The following DNAAF11 variants were observed in gnomAD, a reference collection of about 807,000 sequenced individuals.
The protein encoded by DNAAF11 is leucine rich repeat containing 6.
Under a neutral mutation model 60.8 loss-of-function variants are expected in DNAAF11, and 45 were observed. That is an observed-to-expected ratio of 0.74 (90% CI 0.58 to 0.95). The LOEUF is 0.95. DNAAF11 is among the 40% of genes least tolerant of loss of function. The pLI is 0.00. For missense variants in DNAAF11, 546 were observed against 546.2 expected, an observed-to-expected ratio of 1.00 and a Z score of 0.00; for synonymous variants, 191 against 183.5, an observed-to-expected ratio of 1.04 and a Z score of -0.33.
chr8:132,656,319 G>A (rs1400884103), intron 3 of DNAAF11, among the ~76,000 whole-genome samples: 5 of 152,140 alleles, frequency 3.3e-5, no homozygotes, highest in Admixed American at 1.3e-4. Flanking sequence ...CCTCTGAGGA[G>A]GCTGGGTTAG....
intron 7 of DNAAF11, among the ~76,000 whole-genome samples, chr8:132,615,644 CA>C (rs1819072430): frequency 6.6e-6 from 1 of 152,094 alleles, no homozygotes; most frequent in Non-Finnish European, 1.5e-5. Flanking sequence ...AACAGAGGTT[CA>C]AAGAGGTTGG....
chr8:132,669,769 A>T (rs1387143929), intron 1 of DNAAF11, among the ~76,000 whole-genome samples: 2 of 152,150 alleles, frequency 1.3e-5, no homozygotes, highest in South Asian at 2.1e-4. Context: ...GTAATTTTTT[A>T]AATTTGGGCA....
At chr8:132,689,866 T>G in the DNAAF11 span, among the ~76,000 whole-genome samples, 8 of 151,924 alleles carry the variant, frequency 5.3e-5, no homozygotes, top group Non-Finnish European at 1.2e-4. Context: ...GCTCGCACCA[T>G]TGCATCCTGT....
chr8:132,575,621 C>T (rs191984072), intron 11 of DNAAF11, among the ~76,000 whole-genome samples: 7 of 152,168 alleles, frequency 4.6e-5, no homozygotes, highest in East Asian at 3.9e-4. Flanking sequence ...CACCAAGGCC[C>T]GGAAAGAATT....
At chr8:132,616,532 G>A (rs1819176540) in intron 7 of DNAAF11, among the ~76,000 whole-genome samples, 1 of 152,104 alleles carries the variant, frequency 6.6e-6, no homozygotes, top group African/African-American at 2.4e-5. Flanking sequence ...AGAATTAAGG[G>A]AGAATCCAAG....
Position 132,621,323 on chromosome 8 carries a change from G to A in DNAAF11, c.914+1288C>T, listed in dbSNP as rs118066360. ...TCCAGAGGGCACAGGGGTCCAAAAG[G>A]GGTGACAATGAGTTGAAGTGGATCA... On this transcript the variant is annotated intron_variant, in intron 7 of 11. Coordinates refer to ENST00000620350, the MANE Select transcript of DNAAF11 (RefSeq NM_012472.6). Among the ~76,000 whole-genome samples, 836 of 152,254 alleles carry A rather than the reference G, an allele frequency of 5.5e-3. 28 individuals are homozygous for A. The highest frequency in any genetic ancestry group is 0.05 in the Admixed American group (765 of 15,298).
chr8:132,673,425 C>T (rs1825379460), intron 1 of DNAAF11, among the ~76,000 whole-genome samples: 1 of 152,160 alleles, frequency 6.6e-6, no homozygotes, highest in African/African-American at 2.4e-5. Context: ...TCAGTTCAGC[C>T]TACTATCTCC....
At chr8:132,611,019 C>T (rs999772805) in intron 9 of DNAAF11, among the ~76,000 whole-genome samples, 3 of 152,092 alleles carry the variant, frequency 2.0e-5, no homozygotes, top group African/African-American at 7.2e-5. Context: ...TTCAATCTCC[C>T]GAGGAGCTGG....
chr8:132,666,735 AATG>A (rs1824672280), intron 1 of DNAAF11, among the ~76,000 whole-genome samples: 1 of 152,196 alleles, frequency 6.6e-6, no homozygotes, highest in Non-Finnish European at 1.5e-5. Flanking sequence ...ACAATATAGT[AATG>A]ATGTTGTAGA....
intron 11 of DNAAF11, among the ~76,000 whole-genome samples, chr8:132,576,226 G>A (rs1814733940): frequency 6.6e-6 from 1 of 152,016 alleles, no homozygotes; most frequent in Non-Finnish European, 1.5e-5. Flanking sequence ...TTCTTTAATT[G>A]CTATTTGTCA....
chr8:132,591,369 T>C (rs1368791544), intron 10 of DNAAF11, among the ~76,000 whole-genome samples: 5 of 151,926 alleles, frequency 3.3e-5, no homozygotes, highest in Non-Finnish European at 7.4e-5. Context: ...TACTTTTGGA[T>C]TCTGTCCTGT....
intron 7 of DNAAF11, among the ~76,000 whole-genome samples, chr8:132,617,419 G>C (rs887740744): frequency 6.6e-5 from 10 of 152,138 alleles, no homozygotes; most frequent in South Asian, 4.1e-4. Context: ...ATTGTGAATG[G>C]GAGTTCACTC....
chr8:132,608,481 G>T (rs1303540576), intron 10 of DNAAF11: 2 of 451,542 alleles, frequency 4.4e-6, no homozygotes, highest in East Asian at 1.4e-4. Context: ...AGGAAAAGGG[G>T]AAAAGAATGC....
At chr8:132,595,346 GGGAAA>G (rs1816884747) in intron 10 of DNAAF11, among the ~76,000 whole-genome samples, 20 of 8,390 alleles carry the variant, frequency 2.4e-3, no homozygotes, top group African/African-American at 0.013. Context: ...AGAGACAGAG[GGGAAA>G]AAAAAAAAAA....
In DNAAF11 at chr8:132,622,693, A is replaced by C. The variant is rs775769247; in HGVS notation, c.837-5T>G. ...TTCACTTTCTTCTTTTTTTCACTTA[A>C]GATTGGTGGTGGATGAGAACAATGG... On this transcript the variant is annotated splice_polypyrimidine_tract_variant and splice_region_variant and intron_variant, in intron 6 of 11. Coordinates refer to ENST00000620350, the MANE Select transcript of DNAAF11 (RefSeq NM_012472.6). The C allele has an allele frequency of 2.3e-5, 37 of 1,606,946 alleles. No homozygotes were observed. Among genetic ancestry groups the C allele is most frequent in the Non-Finnish European group, 3.1e-5 (36 of 1,173,920 alleles).
At chr8:132,691,844 G>A in the DNAAF11 span, among the ~76,000 whole-genome samples, 4 of 152,118 alleles carry the variant, frequency 2.6e-5, no homozygotes, top group African/African-American at 7.2e-5. Context: ...CCTAACCAGA[G>A]GAAGGCCCAT....
intron 10 of DNAAF11, among the ~76,000 whole-genome samples, chr8:132,605,074 G>T (rs1159762130): frequency 6.6e-6 from 1 of 152,118 alleles, no homozygotes; most frequent in Non-Finnish European, 1.5e-5. Flanking sequence ...AATGTAGTGT[G>T]TATTATGTCC....
At chr8:132,622,721 A>G in intron 6 of DNAAF11, 33 bp from the exon 7 acceptor site, 1 of 1,408,838 alleles carries the variant, frequency 7.1e-7, no homozygotes. Flanking sequence ...AACAATGGGC[A>G]GCATGGAAAG....
chr8:132,676,812 A>AG (rs1825777716), upstream of DNAAF11, among the ~76,000 whole-genome samples: 1 of 152,184 alleles, frequency 6.6e-6, no homozygotes, highest in South Asian at 2.1e-4. Flanking sequence ...CTTAAATGCC[A>AG]GGCCAAAGGA....
Sources: allele counts gnomAD v4.1 joint callset (sites outside exome capture counted in the v4.1 genomes callset), GRCh38; gene constraint gnomAD v4.1.1; transcripts MANE v1.5; gene names NCBI Gene and HGNC (gene_info 2026-07-23, HGNC 2026-07-21).